The following SHISA9 variants were observed in gnomAD, a reference collection of about 807,000 sequenced individuals.
SHISA9 encodes the protein shisa family member 9.
SHISA9 carries 13 observed loss-of-function variants against 38.0 expected under a neutral mutation model. The ratio of observed to expected loss-of-function variants is 0.34; its 90% CI spans 0.22 to 0.54. The LOEUF (loss-of-function observed/expected upper bound fraction) is 0.54. SHISA9 is among the 20% of genes least tolerant of loss of function. The probability of loss-of-function intolerance (pLI) is 0.91; values close to 1 mark genes in which losing one functional copy is unlikely to be tolerated. For synonymous variants in SHISA9, 275 were observed against 242.0 expected, an observed-to-expected ratio of 1.14 and a Z score of -1.27; for missense variants, 538 against 575.8, an observed-to-expected ratio of 0.93 and a Z score of 0.67.
At chr16:13,310,145 C>G in the SHISA9 span, among the ~76,000 whole-genome samples, 1 of 152,176 alleles carries the variant, frequency 6.6e-6, no homozygotes, top group Non-Finnish European at 1.5e-5. Context: ...GCCTCGGCCT[C>G]CCATAGTGCT....
At chr16:12,992,710 C>T (rs1197375236) in intron 2 of SHISA9, among the ~76,000 whole-genome samples, 3 of 152,152 alleles carry the variant, frequency 2.0e-5, no homozygotes, top group Admixed American at 1.3e-4. Flanking sequence ...TTTTCTTCCT[C>T]ACTTTTGTAA....
chr16:13,433,778 C>A, the SHISA9 span, among the ~76,000 whole-genome samples: 1 of 152,178 alleles, frequency 6.6e-6, no homozygotes, highest in Non-Finnish European at 1.5e-5. Flanking sequence ...AAGGATTTGT[C>A]CACTGACTAA....
intron 2 of SHISA9, among the ~76,000 whole-genome samples, chr16:13,051,858 C>A (rs1046594583): frequency 6.6e-6 from 1 of 151,936 alleles, no homozygotes; most frequent in Non-Finnish European, 1.5e-5. Context: ...TCTGCCTCCC[C>A]GGTTCAAACA....
In SHISA9 at chr16:13,238,588, G is replaced by T. The variant is rs2051407379; in HGVS notation, c.*3179G>T. 6.6e-6 allele frequency: 1 copy of T among 152,102 alleles called. No individual in the cohort carries two copies. Among genetic ancestry groups the T allele is most frequent in the Non-Finnish European group, 1.5e-5 (1 of 68,028 alleles). 9.4% of individuals were successfully genotyped at this position (152,102 alleles called of 1,614,324 possible). ...AATTGAACTGGGCTCCTTGGGGTCTGCAGTTGTAATTTTGGCAGCAAAGGT... is the reference window on the plus strand; with the variant it reads ...AATTGAACTGGGCTCCTTGGGGTCTTCAGTTGTAATTTTGGCAGCAAAGGT... On this transcript the variant is annotated 3_prime_UTR_variant, in exon 5 of 5. Transcript: ENST00000558583.
chr16:12,976,095 T>G (rs1795437486), intron 2 of SHISA9, among the ~76,000 whole-genome samples: 1 of 151,912 alleles, frequency 6.6e-6, no homozygotes. Flanking sequence ...ATAAACTTAT[T>G]ATTATTATTT....
chr16:13,125,080 A>G (rs1199506435), intron 2 of SHISA9, among the ~76,000 whole-genome samples: 1 of 152,192 alleles, frequency 6.6e-6, no homozygotes, highest in African/African-American at 2.4e-5. Context: ...AGTAATACCC[A>G]ATAAGCACAG....
the SHISA9 span, among the ~76,000 whole-genome samples, chr16:13,344,046 G>A: frequency 1.3e-5 from 2 of 152,264 alleles, no homozygotes; most frequent in Admixed American, 6.5e-5. Context: ...ACAGCCTCAG[G>A]ACTACTCTCA....
At chr16:13,103,057 C>A (rs1449862055) in intron 2 of SHISA9, among the ~76,000 whole-genome samples, 1 of 152,074 alleles carries the variant, frequency 6.6e-6, no homozygotes, top group Non-Finnish European at 1.5e-5. Flanking sequence ...TTCTCTAGTC[C>A]TCTCAACAGC....
chr16:12,991,336 A>G (rs1256094763), intron 2 of SHISA9, among the ~76,000 whole-genome samples: 1 of 152,170 alleles, frequency 6.6e-6, no homozygotes, highest in Non-Finnish European at 1.5e-5. Context: ...ATTGTTTGGT[A>G]AGAGCTGTCT....
the SHISA9 span, among the ~76,000 whole-genome samples, chr16:13,261,712 C>T: frequency 6.6e-6 from 1 of 152,140 alleles, no homozygotes; most frequent in Non-Finnish European, 1.5e-5. Flanking sequence ...CACTTGTCTA[C>T]CAAATGCCAT....
chr16:13,177,611 T>G (rs555039846), intron 2 of SHISA9, among the ~76,000 whole-genome samples: 1 of 152,292 alleles, frequency 6.6e-6, no homozygotes, highest in African/African-American at 2.4e-5. Flanking sequence ...CTGTCTTGCT[T>G]ACTAGATTAC....
the SHISA9 span, among the ~76,000 whole-genome samples, chr16:13,261,299 G>A: frequency 6.6e-6 from 1 of 152,132 alleles, no homozygotes; most frequent in African/African-American, 2.4e-5. Context: ...AGATCTGTAG[G>A]TTTATAGATG....
intron 2 of SHISA9, among the ~76,000 whole-genome samples, chr16:13,037,717 G>C (rs2073091149): frequency 6.6e-6 from 1 of 152,078 alleles, no homozygotes; most frequent in Admixed American, 6.5e-5. Flanking sequence ...CCCACTTCCA[G>C]CCTTTTGTTT....
intron 4 of SHISA9, among the ~76,000 whole-genome samples, chr16:13,219,777 A>G (rs1149412): frequency 0.097 from 14,719 of 152,116 alleles, 991 homozygotes; most frequent in East Asian, 0.29. Flanking sequence ...GCCAACAGAG[A>G]TGGTGAAATT....
intron 2 of SHISA9, among the ~76,000 whole-genome samples, chr16:12,926,723 G>C (rs543921117): frequency 1.1e-3 from 164 of 152,280 alleles, no homozygotes; most frequent in Non-Finnish European, 2.1e-3. Context: ...TACTAGGATG[G>C]CCTTTCCTGA....
chr16:13,108,814 C>G (rs1038867421), intron 2 of SHISA9, among the ~76,000 whole-genome samples: 6 of 152,110 alleles, frequency 3.9e-5, no homozygotes, highest in African/African-American at 1.4e-4. Flanking sequence ...AATGGTAACA[C>G]AAGAGAGTGT....
chr16:13,351,261 C>T, the SHISA9 span, among the ~76,000 whole-genome samples: 1 of 152,140 alleles, frequency 6.6e-6, no homozygotes, highest in Non-Finnish European at 1.5e-5. Context: ...TCTTCTCTGA[C>T]CCAAAGGCCC....
the SHISA9 span, among the ~76,000 whole-genome samples, chr16:13,517,546 A>C: frequency 1.3e-5 from 2 of 152,210 alleles, no homozygotes; most frequent in Non-Finnish European, 1.5e-5. Flanking sequence ...TAATCAAGTT[A>C]ATTCAGTATG....
the SHISA9 span, among the ~76,000 whole-genome samples, chr16:13,541,319 AGAATGG>A: frequency 6.6e-6 from 1 of 152,214 alleles, no homozygotes; most frequent in Non-Finnish European, 1.5e-5. Context: ...GATGAGCTGG[AGAATGG>A]GAACCCAGCC....
Sources: allele counts gnomAD v4.1 joint callset (sites outside exome capture counted in the v4.1 genomes callset), GRCh38; gene constraint gnomAD v4.1.1; transcripts MANE v1.5; gene names NCBI Gene and HGNC (gene_info 2026-07-23, HGNC 2026-07-21).